PDZD2: variants seen among roughly 807,000 people sequenced by gnomAD.
PDZD2 encodes the protein PDZ domain-containing protein 2.
PDZD2 carries 90 observed loss-of-function variants against 220.7 expected under a neutral mutation model. The observed-to-expected ratio is 0.41, with a 90% CI of 0.34 to 0.49. PDZD2 has a LOEUF of 0.49. PDZD2 is among the 20% of genes least tolerant of loss of function. The pLI, the probability that PDZD2 is intolerant of heterozygous loss-of-function variation, is 0.28. For synonymous variants in PDZD2, 1,375 were observed against 1,450.5 expected, an observed-to-expected ratio of 0.95 and a Z score of 1.18; for missense variants, 3,174 against 3,608.5, an observed-to-expected ratio of 0.88 and a Z score of 3.08.
chr5:31,782,756 C>G (rs2150211009), intron 1 of PDZD2, among the ~76,000 whole-genome samples: 1 of 145,932 alleles, frequency 6.9e-6, no homozygotes, highest in South Asian at 2.2e-4. Flanking sequence ...CGCTATCACC[C>G]AGGCTGGAGT....
chr5:31,902,144 C>T (rs535842519), intron 2 of PDZD2, among the ~76,000 whole-genome samples: 217 of 152,322 alleles, frequency 1.4e-3, no homozygotes, highest in Middle Eastern at 0.01. Context: ...CCATGTTTAA[C>T]ATTTTGAAGA....
At chr5:31,914,446 T>G (rs553421405) in intron 2 of PDZD2, among the ~76,000 whole-genome samples, 197 of 152,270 alleles carry the variant, frequency 1.3e-3, no homozygotes, top group African/African-American at 4.5e-3. Flanking sequence ...GAGAATTGCT[T>G]GAACCCAGGA....
chr5:31,969,462 T>A (rs1389885518), intron 2 of PDZD2, among the ~76,000 whole-genome samples: 1 of 130,852 alleles, frequency 7.6e-6, no homozygotes, highest in Non-Finnish European at 1.5e-5. Context: ...TGAGCTGAGA[T>A]TACACGACTG....
At chr5:31,827,911 C>G (rs918359592) in intron 2 of PDZD2, among the ~76,000 whole-genome samples, 2 of 152,056 alleles carry the variant, frequency 1.3e-5, no homozygotes, top group African/African-American at 4.8e-5. Flanking sequence ...TCTCCAAGCC[C>G]CTGGAAACCT....
At chr5:31,733,676 TG>T (rs1749669454) in intron 1 of PDZD2, among the ~76,000 whole-genome samples, 1 of 152,194 alleles carries the variant, frequency 6.6e-6, no homozygotes. Flanking sequence ...GAGTGCCAAC[TG>T]GGAACGAAGC....
At chr5:32,050,621 C>A (rs1581377782) in intron 8 of PDZD2, among the ~76,000 whole-genome samples, 1 of 152,244 alleles carries the variant, frequency 6.6e-6, no homozygotes, top group South Asian at 2.1e-4. Context: ...AGTTCAAGAC[C>A]AGCCTGGGCA....
chr5:31,676,908 T>C (rs1443523154), intron 1 of PDZD2, among the ~76,000 whole-genome samples: 1 of 151,196 alleles, frequency 6.6e-6, no homozygotes, highest in East Asian at 2.0e-4. Flanking sequence ...CCAGAGGAGA[T>C]TTTTAAAAAG....
At chr5:31,725,543 A>C in intron 1 of PDZD2, 1 of 1,427,312 alleles carries the variant, frequency 7.0e-7, no homozygotes, top group South Asian at 1.4e-5. Flanking sequence ...GGGCCACTGG[A>C]CTTAGGACTA....
chr5:31,643,635 G>A (rs896649432), intron 1 of PDZD2, among the ~76,000 whole-genome samples: 1 of 152,190 alleles, frequency 6.6e-6, no homozygotes, highest in African/African-American at 2.4e-5. Context: ...TGTTGGCCAA[G>A]ATGCAGGTGG....
intron 1 of PDZD2, among the ~76,000 whole-genome samples, chr5:31,745,753 T>C (rs930484062): frequency 9.2e-5 from 14 of 152,124 alleles, no homozygotes; most frequent in African/African-American, 3.4e-4. Flanking sequence ...TCTTAGTGAA[T>C]GTTCAGTGAT....
intron 2 of PDZD2, among the ~76,000 whole-genome samples, chr5:31,864,968 C>CG (rs34604412): frequency 1.1e-5 from 1 of 87,354 alleles, no homozygotes; most frequent in African/African-American, 9.7e-5. Flanking sequence ...CCTGCCTCAG[C>CG]CCCCCGAGTA....
chr5:31,667,371 G>T (rs1379775873), intron 1 of PDZD2, among the ~76,000 whole-genome samples: 1 of 152,056 alleles, frequency 6.6e-6, no homozygotes, highest in Admixed American at 6.6e-5. Flanking sequence ...TCTAGGAGGT[G>T]GGAGGACAGA....
chr5:31,833,297 G>A (rs568844105), intron 2 of PDZD2, among the ~76,000 whole-genome samples: 7 of 152,118 alleles, frequency 4.6e-5, no homozygotes, highest in South Asian at 2.1e-4. Flanking sequence ...GCAAAACCAC[G>A]TCTCTACAAA....
intron 2 of PDZD2, among the ~76,000 whole-genome samples, chr5:31,858,996 T>C (rs937017547): frequency 2.0e-5 from 3 of 152,138 alleles, no homozygotes; most frequent in Non-Finnish European, 4.4e-5. Context: ...ATTACAGATG[T>C]GAGCCCCCGA....
chr5:31,719,554 T>C (rs1748658756), intron 1 of PDZD2, among the ~76,000 whole-genome samples: 1 of 152,242 alleles, frequency 6.6e-6, no homozygotes, highest in Non-Finnish European at 1.5e-5. Context: ...AAACTCACTA[T>C]TATTCAGTTT....
At chr5:31,952,105 T>G (rs1747232713) in intron 2 of PDZD2, among the ~76,000 whole-genome samples, 1 of 152,220 alleles carries the variant, frequency 6.6e-6, no homozygotes, top group African/African-American at 2.4e-5. Flanking sequence ...CTTTATTAAA[T>G]TGTAATTATT....
At chr5:32,026,689 G>T (rs1201417138) in intron 6 of PDZD2, among the ~76,000 whole-genome samples, 1 of 152,160 alleles carries the variant, frequency 6.6e-6, no homozygotes. Context: ...GGTCTACCTT[G>T]AGTAGCCAGC....
chr5:31,662,939 C>T (rs1745839610), intron 1 of PDZD2, among the ~76,000 whole-genome samples: 1 of 152,188 alleles, frequency 6.6e-6, no homozygotes, highest in Non-Finnish European at 1.5e-5. Context: ...CAAGGCCCCA[C>T]CTTCTAATGC....
At chr5:32,051,725 T>C (rs1738572007) in intron 8 of PDZD2, among the ~76,000 whole-genome samples, 1 of 152,202 alleles carries the variant, frequency 6.6e-6, no homozygotes, top group Non-Finnish European at 1.5e-5. Flanking sequence ...AGGGAAAGTG[T>C]GGCTCATTAT....
Sources: gnomAD v4.1 joint callset for allele counts (sites outside exome capture counted in the v4.1 genomes callset) on GRCh38, gnomAD v4.1.1 for gene constraint, MANE v1.5 for transcripts, NCBI Gene and HGNC (gene_info 2026-07-23, HGNC 2026-07-21) for gene names.